The following ADAMTSL3 variants were observed in gnomAD, a reference collection of about 807,000 sequenced individuals.
The protein encoded by ADAMTSL3 is ADAMTS-like protein 3.
A neutral mutation model predicts 201.7 loss-of-function variants in ADAMTSL3; 128 were observed. The ratio of observed to expected loss-of-function variants is 0.63; its 90% CI spans 0.55 to 0.73. The LOEUF (loss-of-function observed/expected upper bound fraction) is 0.73. ADAMTSL3 is among the 30% of genes least tolerant of loss of function. The pLI is 0.00. For missense variants in ADAMTSL3, 1,990 were observed against 2,119.6 expected, an observed-to-expected ratio of 0.94 and a Z score of 1.20; for synonymous variants, 738 against 748.4, an observed-to-expected ratio of 0.99 and a Z score of 0.23.
At chr15:83,954,931 T>C (rs1016324414) in intron 19 of ADAMTSL3, among the ~76,000 whole-genome samples, 2 of 152,230 alleles carry the variant, frequency 1.3e-5, no homozygotes, top group Non-Finnish European at 2.9e-5. Flanking sequence ...ACACTGGAAC[T>C]GCCCTGGGTC....
At chr15:83,813,723 A>G (rs1188955397) in intron 5 of ADAMTSL3, among the ~76,000 whole-genome samples, 1 of 152,180 alleles carries the variant, frequency 6.6e-6, no homozygotes, top group Non-Finnish European at 1.5e-5. Context: ...GTACAGTGCC[A>G]TGGCTCCTGG....
chr15:83,883,330 A>G (rs1193346524), intron 9 of ADAMTSL3, among the ~76,000 whole-genome samples: 1 of 150,678 alleles, frequency 6.6e-6, no homozygotes, highest in Non-Finnish European at 1.5e-5. Flanking sequence ...GTGCCACCAC[A>G]CCCAGCTAAT....
At chr15:83,974,868 A>G (rs1303787722) in intron 20 of ADAMTSL3, among the ~76,000 whole-genome samples, 1 of 152,110 alleles carries the variant, frequency 6.6e-6, no homozygotes. Context: ...GGGAAGAGGA[A>G]CCCAGGCATG....
chr15:83,702,804 C>T (rs190704634), intron 2 of ADAMTSL3, among the ~76,000 whole-genome samples: 18 of 152,274 alleles, frequency 1.2e-4, no homozygotes, highest in African/African-American at 1.7e-4. Flanking sequence ...AATGTGGGGT[C>T]GGAGCCCCCA....
chr15:83,952,001 T>C (rs2066767576), intron 19 of ADAMTSL3, among the ~76,000 whole-genome samples: 1 of 152,088 alleles, frequency 6.6e-6, no homozygotes, highest in Admixed American at 6.5e-5. Context: ...TTCTACTAAT[T>C]TTGGGTTGTT....
intron 20 of ADAMTSL3, among the ~76,000 whole-genome samples, chr15:83,972,798 G>A (rs949482649): frequency 2.0e-5 from 3 of 152,110 alleles, no homozygotes; most frequent in South Asian, 2.1e-4. Context: ...CTGTAGCCTC[G>A]CCTCACTCCA....
intron 19 of ADAMTSL3, among the ~76,000 whole-genome samples, chr15:83,969,211 C>T (rs779676431): frequency 9.9e-5 from 15 of 151,982 alleles, no homozygotes; most frequent in African/African-American, 2.4e-4. Flanking sequence ...TTTGGGAGGC[C>T]GAGGCAGGTG....
chr15:83,790,466 C>T (rs1419024202), intron 4 of ADAMTSL3, among the ~76,000 whole-genome samples: 1 of 151,060 alleles, frequency 6.6e-6, no homozygotes, highest in Non-Finnish European at 1.5e-5. Context: ...AATTAATAGA[C>T]TAAGGAAGAA....
chr15:83,862,593 C>G (rs1270641314), intron 8 of ADAMTSL3: 2 of 152,154 alleles, frequency 1.3e-5, no homozygotes, highest in Non-Finnish European at 2.9e-5. Flanking sequence ...ACCACCAGGC[C>G]TGCCCTAAAA....
intron 3 of ADAMTSL3, among the ~76,000 whole-genome samples, chr15:83,732,598 G>A (rs2062297983): frequency 1.3e-5 from 2 of 152,148 alleles, no homozygotes; most frequent in African/African-American, 4.8e-5. Context: ...TGGATTACAA[G>A]AAATACTCTA....
chr15:83,986,172 G>T (rs866600200), intron 21 of ADAMTSL3, among the ~76,000 whole-genome samples: 1 of 152,074 alleles, frequency 6.6e-6, no homozygotes, highest in African/African-American at 2.4e-5. Context: ...GACTTCTGGG[G>T]GGTTCATGGA....
chr15:83,963,532 A>G lies in ADAMTSL3; in HGVS notation c.2491-6952A>G, dbSNP rs190030897. 2.1e-3 allele frequency among the ~76,000 whole-genome samples: 327 copies of G among 152,280 alleles called. 1 individual carries two copies. Among genetic ancestry groups the G allele is most frequent in the Non-Finnish European group, 3.9e-3 (266 of 68,004 alleles). On this transcript the variant is annotated intron_variant, in intron 19 of 29. Coordinates refer to ENST00000286744, the MANE Select transcript of ADAMTSL3 (RefSeq NM_207517.3). Reference sequence around the variant, plus strand: ...TCAGGGTCTTATAGATAAAACTCCCATCTCCCTGGGACAGAGTACCTGGGG... The same window carrying G: ...TCAGGGTCTTATAGATAAAACTCCCGTCTCCCTGGGACAGAGTACCTGGGG...
intron 4 of ADAMTSL3, among the ~76,000 whole-genome samples, chr15:83,783,865 G>GTGTC (rs1490403799): frequency 6.6e-6 from 1 of 151,626 alleles, no homozygotes; most frequent in African/African-American, 2.4e-5. Flanking sequence ...GTGTGTGTGT[G>GTGTC]TCTCCACATT....
chr15:83,797,531 G>A (rs1354795614), intron 4 of ADAMTSL3, among the ~76,000 whole-genome samples: 1 of 152,158 alleles, frequency 6.6e-6, no homozygotes. Context: ...AGCCCAGGAG[G>A]CGGAGGTTGC....
rs2068058172 is a variant in ADAMTSL3, at chr15:84,014,644, T to C, written c.4076T>C (p.Leu1359Pro). 1.2e-6 allele frequency: 2 copies of C among 1,612,396 alleles called. No individual in the cohort carries two copies. Among genetic ancestry groups the C allele is most frequent in the Admixed American group, 3.4e-5 (2 of 59,584 alleles). ...NGSLLLQNVS[L>P]ENEGTYVCIA... ...TCCCTGTTGTTGCAGAATGTTTCCC[T>C]TGAAAATGAAGGAACCTACGTCTGC... The change falls in exon 24 of 30, where the codon CTT becomes CCT. Residue 1359 changes from leucine (L) to proline (P), a missense_variant. By Grantham distance (98) the Leu-to-Pro change is moderately conservative. Transcript: ENST00000286744.
At chr15:83,827,179 CCTGA>C (rs1226598476) in intron 6 of ADAMTSL3, among the ~76,000 whole-genome samples, 2 of 152,128 alleles carry the variant, frequency 1.3e-5, no homozygotes, top group Non-Finnish European at 2.9e-5. Context: ...CCTGTTGTTT[CCTGA>C]CTTTTTAATG....
intron 7 of ADAMTSL3, among the ~76,000 whole-genome samples, chr15:83,846,360 C>G (rs1165843324): frequency 6.6e-6 from 1 of 152,226 alleles, no homozygotes; most frequent in East Asian, 1.9e-4. Flanking sequence ...GGTCTCACAA[C>G]TGGTGAGTGG....
At chr15:83,668,472 A>G (rs1389964709) in intron 2 of ADAMTSL3, among the ~76,000 whole-genome samples, 1 of 151,854 alleles carries the variant, frequency 6.6e-6, no homozygotes, top group Non-Finnish European at 1.5e-5. Flanking sequence ...GATATAAACA[A>G]TTTTTATGTA....
At position 83,811,311 on chromosome 15, in the gene ADAMTSL3, A is replaced by G. The variant is rs1343527311; in HGVS notation, c.363+6616A>G. ...ATTTCCTTGTAGTCATTCAAGAACA[A>G]ATTTCAAAACAGTATGATTTCCAGC... On this transcript the variant is annotated intron_variant, in intron 5 of 29. Coordinates refer to ENST00000286744, the MANE Select transcript of ADAMTSL3 (RefSeq NM_207517.3). Among the ~76,000 whole-genome samples the G allele has an allele frequency of 5.3e-5, 8 of 152,288 alleles. No individual in the cohort carries two copies. In the South Asian group the frequency reaches 1.7e-3, roughly 32 times the overall value.
Sources: allele counts gnomAD v4.1 joint callset (sites outside exome capture counted in the v4.1 genomes callset), GRCh38; gene constraint gnomAD v4.1.1; transcripts MANE v1.5; gene names NCBI Gene and HGNC (gene_info 2026-07-23, HGNC 2026-07-21).